Variants in FAM210A observed in about 807,000 individuals in gnomAD.
FAM210A encodes family with sequence similarity 210 member A.
Under a neutral mutation model 25.3 loss-of-function variants are expected in FAM210A, and 13 were observed. The observed-to-expected ratio is 0.51, with a 90% CI of 0.33 to 0.82. The LOEUF (loss-of-function observed/expected upper bound fraction) is 0.82, where lower values mean the gene tolerates loss of function less well. FAM210A is among the 40% of genes least tolerant of loss of function. The probability of loss-of-function intolerance (pLI) is 0.02; values close to 1 mark genes in which losing one functional copy is unlikely to be tolerated. For synonymous variants in FAM210A, 125 were observed against 118.7 expected (o/e 1.05, Z -0.35); for missense variants, 319 against 323.2 (o/e 0.99, Z 0.10).
At chr18:13,695,020 A>G (rs151187098) in intron 1 of FAM210A, among the ~76,000 whole-genome samples, 52 of 152,362 alleles carry the variant, frequency 3.4e-4, no homozygotes, top group African/African-American at 1.1e-3. Flanking sequence ...CAAACTTACA[A>G]GAAAAAATCA....
chr18:13,680,167 A>C (rs554186632), intron 2 of FAM210A, among the ~76,000 whole-genome samples: 2 of 152,348 alleles, frequency 1.3e-5, no homozygotes, highest in South Asian at 4.1e-4. Flanking sequence ...AAGAAAATTT[A>C]ATATGTAGAA....
chr18:13,685,885 A>T (rs897139155), intron 1 of FAM210A, among the ~76,000 whole-genome samples: 1 of 152,214 alleles, frequency 6.6e-6, no homozygotes, highest in South Asian at 2.1e-4. Flanking sequence ...GAAAAGAAGT[A>T]AGATCTAAAC....
rs183321338 is a variant in FAM210A at position 13,679,909 on chromosome 18, C to G, written c.473+1696G>C. The stretch of plus-strand genomic sequence containing the variant: ...CTAGATTATTCTGGGTCTACTTTTT[C>G]AGTTACAGAACTTTTACCAGAGAAT... On this transcript the variant is annotated intron_variant, in intron 2 of 3. Coordinates refer to ENST00000651643, the MANE Select transcript of FAM210A (RefSeq NM_152352.4). 1.2e-4 allele frequency among the ~76,000 whole-genome samples: 18 copies of G among 152,276 alleles called. No individual in the cohort carries two copies. The East Asian group carries it at 1.9e-3, about 16-fold the overall frequency.
chr18:13,697,315 C>A (rs1786553), intron 1 of FAM210A, among the ~76,000 whole-genome samples: 130,484 of 152,094 alleles, frequency 0.86, 56,057 homozygotes, highest in East Asian at 0.95. Context: ...TGGCAAAAAA[C>A]ACAGAAAAAG....
intron 1 of FAM210A, among the ~76,000 whole-genome samples, chr18:13,714,837 C>T (rs898703465): frequency 1.8e-4 from 27 of 152,114 alleles, no homozygotes; most frequent in Admixed American, 5.9e-4. Context: ...GGATTTAACA[C>T]CCCATAATTG....
At chr18:13,672,566 C>T (rs193289714) in intron 2 of FAM210A, among the ~76,000 whole-genome samples, 2 of 152,112 alleles carry the variant, frequency 1.3e-5, no homozygotes, top group Non-Finnish European at 2.9e-5. Flanking sequence ...GCAACCACCA[C>T]GCCTAGCTAA....
intron 3 of FAM210A, among the ~76,000 whole-genome samples, chr18:13,667,492 G>A (rs1183240806): frequency 6.6e-6 from 1 of 152,164 alleles, no homozygotes; most frequent in Non-Finnish European, 1.5e-5. Flanking sequence ...GCTTAGGTGG[G>A]TGGGTCACCT....
intron 1 of FAM210A, among the ~76,000 whole-genome samples, chr18:13,713,240 AGAATGTATGT>A (rs2149069364): frequency 6.6e-6 from 1 of 152,368 alleles, no homozygotes; most frequent in South Asian, 2.1e-4. Context: ...GCCTAAGTCT[AGAATGTATGT>A]TTGTATGTTG....
chr18:13,689,746 T>A lies in FAM210A; in HGVS notation c.-28-7641A>T, dbSNP rs2043627034. ...TTTATTGCATATGATATGATTGTTT[T>A]TGTAGAATATCCAAAAGAATCTATT... is the stretch of plus-strand genomic sequence containing the variant. On this transcript the variant is annotated intron_variant, in intron 1 of 3. Coordinates refer to ENST00000651643, the MANE Select transcript of FAM210A (RefSeq NM_152352.4). Among the ~76,000 whole-genome samples, 4 of 152,340 alleles carry A rather than the reference T, an allele frequency of 2.6e-5. No individual in the cohort carries two copies. In the South Asian group the frequency reaches 8.3e-4, roughly 32 times the overall value.
At chr18:13,676,329 T>C (rs1469431571) in intron 2 of FAM210A, among the ~76,000 whole-genome samples, 165 of 107,200 alleles carry the variant, frequency 1.5e-3, no homozygotes, top group Admixed American at 2.5e-3. Context: ...AGTTTCCTGA[T>C]TATTAACATT....
chr18:13,676,678 T>TG (rs2149054684), intron 2 of FAM210A, among the ~76,000 whole-genome samples: 1 of 152,352 alleles, frequency 6.6e-6, no homozygotes, highest in Non-Finnish European at 1.5e-5. Flanking sequence ...ATTGTCCCAG[T>TG]ATGTCCTTTA....
chr18:13,667,514 T>G (rs1383898760), intron 3 of FAM210A, among the ~76,000 whole-genome samples: 1 of 149,892 alleles, frequency 6.7e-6, no homozygotes, highest in East Asian at 1.9e-4. Flanking sequence ...AGTTCAGGAG[T>G]TCAAGACCAG....
Position 13,703,712 on chromosome 18 carries a change from C to T in FAM210A, c.-28-21607G>A, listed in dbSNP as rs141071642. Reference sequence around the variant, plus strand: ...AGTTATATATGTGTTGTGTGTATAGCGTTTACGTAAAAAAGCTCTAATTAA... The same window carrying T: ...AGTTATATATGTGTTGTGTGTATAGTGTTTACGTAAAAAAGCTCTAATTAA... On this transcript the variant is annotated intron_variant, in intron 1 of 3. Coordinates refer to ENST00000651643, the MANE Select transcript of FAM210A (RefSeq NM_152352.4). 6.4e-4 allele frequency among the ~76,000 whole-genome samples: 98 copies of T among 152,178 alleles called. 1 individual carries two copies. Among genetic ancestry groups the T allele is most frequent in the African/African-American group, 2.2e-3 (91 of 41,512 alleles).
At chr18:13,700,369 C>T (rs1213938505) in intron 1 of FAM210A, among the ~76,000 whole-genome samples, 1 of 152,198 alleles carries the variant, frequency 6.6e-6, no homozygotes, top group Non-Finnish European at 1.5e-5. Flanking sequence ...CTGAGAGTCA[C>T]ATAGCATGCT....
chr18:13,718,718 C>A (rs1284196), intron 1 of FAM210A, among the ~76,000 whole-genome samples: 1 of 152,102 alleles, frequency 6.6e-6, no homozygotes, highest in African/African-American at 2.4e-5. Flanking sequence ...CTAAAACATG[C>A]TTAGCAATAG....
Position 13,665,381 on chromosome 18 carries a change from C to CAAAA in FAM210A, c.*1095_*1098dup, listed in dbSNP as rs56656145. The CAAAA allele has an allele frequency of 4.7e-5, 3 of 63,704 alleles. No homozygotes were observed. The highest frequency in any genetic ancestry group is 6.4e-5 in the Non-Finnish European group (2 of 31,302). The allele number at this position is 63,704 out of a possible 1,614,324, so 3.9% of individuals were successfully genotyped here. A position where few individuals can be genotyped will look rare whatever the true frequency, so the allele number is the denominator to read the frequency against. On this transcript the variant is annotated 3_prime_UTR_variant, in exon 4 of 4. Coordinates refer to ENST00000651643, the MANE Select transcript of FAM210A (RefSeq NM_152352.4). ...GGAGAGAGAGAGGGAGGCTCCGTCT[C>CAAAA]AAAAAAAAAAAAAAAAAAAAAAAAA...
intron 1 of FAM210A, among the ~76,000 whole-genome samples, chr18:13,683,251 G>A (rs947099699): frequency 6.6e-6 from 1 of 152,216 alleles, no homozygotes; most frequent in South Asian, 2.1e-4. Flanking sequence ...TAATGCCTTC[G>A]GACTAAGTTA....
chr18:13,681,215 A>G (rs997049029), intron 2 of FAM210A, among the ~76,000 whole-genome samples: 5 of 152,096 alleles, frequency 3.3e-5, no homozygotes, highest in African/African-American at 1.2e-4. Context: ...CATATAGGAG[A>G]GTGTATGCTT....
intron 1 of FAM210A, among the ~76,000 whole-genome samples, chr18:13,713,952 G>C (rs940352670): frequency 2.0e-5 from 3 of 152,124 alleles, no homozygotes; most frequent in African/African-American, 7.2e-5. Flanking sequence ...TTAACTCTTA[G>C]TTTTCTCAAC....
Sources: allele counts gnomAD v4.1 joint callset (sites outside exome capture counted in the v4.1 genomes callset), GRCh38; gene constraint gnomAD v4.1.1; transcripts MANE v1.5; gene names NCBI Gene and HGNC (gene_info 2026-07-23, HGNC 2026-07-21).